The following HPCAL1 variants were observed in gnomAD, a reference collection of about 807,000 sequenced individuals.
HPCAL1 encodes hippocalcin-like protein 1.
Under a neutral mutation model 17.1 loss-of-function variants are expected in HPCAL1, and 8 were observed. That is an observed-to-expected ratio of 0.47 (90% CI 0.27 to 0.84). The LOEUF is 0.84. Among genes scored for constraint, HPCAL1 ranks in the 40% least tolerant of loss-of-function variants. The probability of loss-of-function intolerance (pLI) is 0.13; values close to 1 mark genes in which losing one functional copy is unlikely to be tolerated. For missense variants in HPCAL1, 165 were observed against 271.1 expected (o/e 0.61, Z 2.75); for synonymous variants, 112 against 111.4 (o/e 1.01, Z -0.03).
At chr2:10,412,157 C>A (rs144458342) in intron 2 of HPCAL1, among the ~76,000 whole-genome samples, 1 of 152,214 alleles carries the variant, frequency 6.6e-6, no homozygotes, top group African/African-American at 2.4e-5. Flanking sequence ...CACGCAGTCA[C>A]GCAAGGACTT....
At chr2:10,346,192 G>C (rs1572687944) in intron 1 of HPCAL1, among the ~76,000 whole-genome samples, 1 of 151,996 alleles carries the variant, frequency 6.6e-6, no homozygotes, top group South Asian at 2.1e-4. Context: ...CTGCACTCAT[G>C]TCCTTCTTTG....
At chr2:10,351,434 G>A (rs552870457) in intron 1 of HPCAL1, among the ~76,000 whole-genome samples, 1 of 152,272 alleles carries the variant, frequency 6.6e-6, no homozygotes, top group African/African-American at 2.4e-5. Context: ...GAGTGGCAGT[G>A]AATGGGTACA....
At position 10,344,565 on chromosome 2, in the gene HPCAL1, C is replaced by T. The variant is rs1297510255; in HGVS notation, c.-111+41388C>T. Reference sequence around the variant, plus strand: ...CCCTGTGCAAAGAAATGAAGAAAAGCTATCGGGGCATCTGCAGCCACTATT... The same window carrying T: ...CCCTGTGCAAAGAAATGAAGAAAAGTTATCGGGGCATCTGCAGCCACTATT... On this transcript the variant is annotated intron_variant, in intron 1 of 4. Coordinates refer to ENST00000307845, the MANE Select transcript of HPCAL1 (RefSeq NM_002149.4). The surrounding 1 kb of genome is among the most constrained non-coding windows in gnomAD (Gnocchi z 4.9). Among the ~76,000 whole-genome samples the T allele has an allele frequency of 3.3e-5, 5 of 152,216 alleles. No homozygotes were observed. Among genetic ancestry groups the T allele is most frequent in the Admixed American group, 6.5e-5 (1 of 15,278 alleles).
intron 1 of HPCAL1, among the ~76,000 whole-genome samples, chr2:10,325,272 C>T (rs184833249): frequency 6.6e-6 from 1 of 152,344 alleles, no homozygotes; most frequent in East Asian, 1.9e-4. Flanking sequence ...TCAGGCGATC[C>T]TCCCGACATC....
At chr2:10,332,525 G>T (rs181738341) in intron 1 of HPCAL1, among the ~76,000 whole-genome samples, 9 of 152,252 alleles carry the variant, frequency 5.9e-5, no homozygotes, top group African/African-American at 1.9e-4. Flanking sequence ...TGCAGGGAAG[G>T]GGTGAAGCGG....
chr2:10,423,255 GGGACACC>G, intron 4 of HPCAL1, 167 bp downstream of exon 4: 1 of 636,592 alleles, frequency 1.6e-6, no homozygotes, highest in Admixed American at 2.4e-5. Context: ...GATGCAGTCA[GGGACACC>G]CGTGCTGTAT....
At chr2:10,324,232 G>A (rs188430746) in intron 1 of HPCAL1, 2 of 152,368 alleles carry the variant, frequency 1.3e-5, no homozygotes, top group East Asian at 3.8e-4. Context: ...ATCAGAGGTT[G>A]TGGAAATGCC....
intron 2 of HPCAL1, among the ~76,000 whole-genome samples, chr2:10,398,414 C>T (rs1669198989): frequency 6.6e-6 from 1 of 152,362 alleles, no homozygotes; most frequent in African/African-American, 2.4e-5. Flanking sequence ...CCTTTGAATA[C>T]TCAGCCAGGC....
chr2:10,345,645 C>T (rs34439966), intron 1 of HPCAL1, among the ~76,000 whole-genome samples: 27,469 of 151,780 alleles, frequency 0.18, 2,800 homozygotes, highest in Middle Eastern at 0.28. Context: ...TTTGTAGAGA[C>T]AGGGTCTTGC....
chr2:10,358,433 C>T (rs573266646), intron 1 of HPCAL1, among the ~76,000 whole-genome samples: 33 of 152,296 alleles, frequency 2.2e-4, no homozygotes, highest in Admixed American at 1.7e-3. Context: ...GCCCACAGCC[C>T]TAGGTGAGGA....
chr2:10,368,235 A>C (rs113216827), intron 1 of HPCAL1, among the ~76,000 whole-genome samples: 3 of 142,042 alleles, frequency 2.1e-5, no homozygotes, highest in Admixed American at 7.0e-5. Flanking sequence ...ACACATATGC[A>C]TGTGTGTGTG....
intron 1 of HPCAL1, among the ~76,000 whole-genome samples, chr2:10,314,298 G>C (rs571766234): frequency 5.3e-5 from 8 of 152,186 alleles, no homozygotes; most frequent in Non-Finnish European, 7.4e-5. Flanking sequence ...GTGCAGGGGT[G>C]GGGGGTGGCA....
At chr2:10,308,371 T>C (rs1040087143) in intron 1 of HPCAL1, among the ~76,000 whole-genome samples, 1 of 152,198 alleles carries the variant, frequency 6.6e-6, no homozygotes, top group Non-Finnish European at 1.5e-5. Context: ...AATCCAGTTT[T>C]GGAACATATC....
chr2:10,411,702 C>A (rs1670366796), intron 2 of HPCAL1, among the ~76,000 whole-genome samples: 1 of 152,208 alleles, frequency 6.6e-6, no homozygotes, highest in African/African-American at 2.4e-5. Context: ...GAGGGCCCGA[C>A]AGCCTGGAAT....
intron 1 of HPCAL1, among the ~76,000 whole-genome samples, chr2:10,335,671 C>G (rs1303779704): frequency 6.6e-6 from 1 of 152,218 alleles, no homozygotes; most frequent in East Asian, 1.9e-4. Context: ...ATGGTATTCT[C>G]ACGCTCAACA....
At chr2:10,311,475 G>T (rs1162187590) in intron 1 of HPCAL1, among the ~76,000 whole-genome samples, 1 of 152,158 alleles carries the variant, frequency 6.6e-6, no homozygotes, top group Non-Finnish European at 1.5e-5. Flanking sequence ...ATAAAGAATT[G>T]CTGCTTTTAT....
chr2:10,381,516 A>G (rs1339110712), intron 1 of HPCAL1, among the ~76,000 whole-genome samples: 1 of 152,186 alleles, frequency 6.6e-6, no homozygotes, highest in African/African-American at 2.4e-5. Flanking sequence ...CTACAGGGAC[A>G]ATGTTTGTCA....
chr2:10,314,450 G>A (rs1369776396), intron 1 of HPCAL1, among the ~76,000 whole-genome samples: 1 of 152,148 alleles, frequency 6.6e-6, no homozygotes, highest in Non-Finnish European at 1.5e-5. Flanking sequence ...GCGTAAGGGC[G>A]AGACAGACAT....
chr2:10,391,044 A>T (rs1207162329), intron 1 of HPCAL1, among the ~76,000 whole-genome samples: 1 of 152,182 alleles, frequency 6.6e-6, no homozygotes, highest in African/African-American at 2.4e-5. Context: ...GATGCCCAGC[A>T]CTAATCTGCA....
Sources: allele counts gnomAD v4.1 joint callset (sites outside exome capture counted in the v4.1 genomes callset), GRCh38; gene constraint gnomAD v4.1.1; non-coding constraint Gnocchi (gnomAD v3.1); transcripts MANE v1.5; gene names NCBI Gene and HGNC (gene_info 2026-07-23, HGNC 2026-07-21).